Variants in SEMA3D observed in about 807,000 individuals in gnomAD.
SEMA3D encodes the protein semaphorin 3D, also known as semaphorin-3D.
Under a neutral mutation model 100.1 loss-of-function variants are expected in SEMA3D, and 84 were observed. That is an observed-to-expected ratio of 0.84 (90% CI 0.70 to 1.01). SEMA3D has a LOEUF of 1.01. Ranked by LOEUF, SEMA3D falls within the 50% of genes least tolerant of loss-of-function variation. The pLI is 0.00. For synonymous variants in SEMA3D, 312 were observed against 320.7 expected (o/e 0.97, Z 0.29); for missense variants, 875 against 934.1 (o/e 0.94, Z 0.82).
At chr7:85,088,611 G>A (rs1228375988) in intron 4 of SEMA3D, among the ~76,000 whole-genome samples, 2 of 152,172 alleles carry the variant, frequency 1.3e-5, no homozygotes, top group South Asian at 2.1e-4. Flanking sequence ...CCCAGGACAG[G>A]GAGGTGTTTT....
intron 3 of SEMA3D, among the ~76,000 whole-genome samples, chr7:85,110,911 C>G (rs983188154): frequency 6.6e-6 from 1 of 152,026 alleles, no homozygotes; most frequent in African/African-American, 2.4e-5. Context: ...TTGGCTGTCA[C>G]ACTCACATGC....
At chr7:85,212,343 C>G in the SEMA3D span, among the ~76,000 whole-genome samples, 1 of 152,160 alleles carries the variant, frequency 6.6e-6, no homozygotes, top group East Asian at 1.9e-4. Context: ...GATGCTTTCT[C>G]AAATGCGGAC....
chr7:85,005,775 A>C (rs1230751192), intron 18 of SEMA3D, among the ~76,000 whole-genome samples: 2 of 151,926 alleles, frequency 1.3e-5, no homozygotes, highest in Non-Finnish European at 2.9e-5. Context: ...TTGGCCACCC[A>C]CCCACCCAGC....
chr7:85,194,630 T>C, the SEMA3D span, among the ~76,000 whole-genome samples: 4 of 152,274 alleles, frequency 2.6e-5, no homozygotes, highest in East Asian at 7.7e-4. Flanking sequence ...AGCATTTAAA[T>C]TCAAAGAGGG....
chr7:85,208,034 A>G, the SEMA3D span, among the ~76,000 whole-genome samples: 1 of 152,042 alleles, frequency 6.6e-6, no homozygotes, highest in Non-Finnish European at 1.5e-5. Flanking sequence ...ATAATATGCT[A>G]AATCACTCCC....
intron 9 of SEMA3D, among the ~76,000 whole-genome samples, chr7:85,045,879 T>A (rs1286383742): frequency 6.6e-6 from 1 of 151,944 alleles, no homozygotes; most frequent in African/African-American, 2.4e-5. Context: ...TTTTATCAGC[T>A]TTCTAGTTGT....
chr7:85,117,490 A>G (rs1418562455), intron 3 of SEMA3D, among the ~76,000 whole-genome samples: 1 of 152,200 alleles, frequency 6.6e-6, no homozygotes, highest in East Asian at 1.9e-4. Flanking sequence ...TTTAAAGATT[A>G]TCTTTTGGCC....
chr7:85,122,329 C>T (rs1471140531), intron 2 of SEMA3D, among the ~76,000 whole-genome samples: 2 of 151,874 alleles, frequency 1.3e-5, no homozygotes, highest in African/African-American at 2.4e-5. Context: ...AAATAATTTT[C>T]CCATCGCTCT....
intron 6 of SEMA3D, among the ~76,000 whole-genome samples, chr7:85,071,307 TAAC>T (rs1381609644): frequency 2.4e-4 from 37 of 152,210 alleles, no homozygotes; most frequent in Non-Finnish European, 5.0e-4. Context: ...CTCAGAAATT[TAAC>T]TGTCAGGGTT....
In SEMA3D at chr7:84,999,162, A is replaced by G. The variant is rs1789580396; in HGVS notation, c.*278T>C. On this transcript the variant is annotated 3_prime_UTR_variant, in exon 19 of 19. Coordinates refer to ENST00000284136, the MANE Select transcript of SEMA3D (RefSeq NM_001384900.1). ...AGCTCAACTATTTACATGACAATAA[A>G]TTCCAAAACTCAAAACATAAAACAT... 2.3e-6 allele frequency: 1 copy of G among 428,298 alleles called. No individual in the cohort carries two copies. Among genetic ancestry groups the G allele is most frequent in the Admixed American group, 3.9e-5 (1 of 25,484 alleles). The allele number at this position is 428,298 out of a possible 1,614,324, so 26.5% of individuals were successfully genotyped here. A position where few individuals can be genotyped will look rare whatever the true frequency, so the allele number is the denominator to read the frequency against.
chr7:85,153,029 T>C (rs913660708), intron 2 of SEMA3D, among the ~76,000 whole-genome samples: 1 of 152,112 alleles, frequency 6.6e-6, no homozygotes, highest in Non-Finnish European at 1.5e-5. Flanking sequence ...ATAATGTATA[T>C]TCATCCCTTG....
intron 12 of SEMA3D, among the ~76,000 whole-genome samples, chr7:85,032,745 A>T (rs1246501393): frequency 2.0e-5 from 3 of 152,120 alleles, no homozygotes; most frequent in Non-Finnish European, 4.4e-5. Context: ...CCAAAAAGAA[A>T]ATCCTCCTTC....
chr7:85,137,220 T>G (rs1789892684), intron 2 of SEMA3D, among the ~76,000 whole-genome samples: 1 of 151,964 alleles, frequency 6.6e-6, no homozygotes. Flanking sequence ...AGAAGTAACA[T>G]GTATTACATA....
the SEMA3D span, among the ~76,000 whole-genome samples, chr7:85,227,668 AAT>A: frequency 6.6e-6 from 1 of 152,200 alleles, no homozygotes; most frequent in African/African-American, 2.4e-5. Context: ...AAATATATGT[AAT>A]ATATGTATGA....
At chr7:85,166,005 A>G (rs532044973) in intron 1 of SEMA3D, among the ~76,000 whole-genome samples, 1 of 152,206 alleles carries the variant, frequency 6.6e-6, no homozygotes, top group South Asian at 2.1e-4. Context: ...TGAGTATATA[A>G]TGCGCTTCAT....
At chr7:85,233,952 T>A in the SEMA3D span, among the ~76,000 whole-genome samples, 1 of 152,214 alleles carries the variant, frequency 6.6e-6, no homozygotes, top group African/African-American at 2.4e-5. Flanking sequence ...GTTATCAGGA[T>A]AACTGTCTAT....
At chr7:85,201,869 G>A in the SEMA3D span, among the ~76,000 whole-genome samples, 1 of 151,780 alleles carries the variant, frequency 6.6e-6, no homozygotes, top group Admixed American at 6.6e-5. Context: ...GGGACTACAG[G>A]TTTGTGCCAC....
At chr7:85,223,540 G>T in the SEMA3D span, among the ~76,000 whole-genome samples, 1 of 147,226 alleles carries the variant, frequency 6.8e-6, no homozygotes, top group Admixed American at 6.8e-5. Flanking sequence ...TCATATATTT[G>T]TGTGTGTGTG....
chr7:85,061,875 C>T (rs1488737554), intron 8 of SEMA3D, among the ~76,000 whole-genome samples: 1 of 152,158 alleles, frequency 6.6e-6, no homozygotes, highest in Non-Finnish European at 1.5e-5. Context: ...TCCCTGCTTT[C>T]CCTGGCTCCA....
Sources: allele counts gnomAD v4.1 joint callset (sites outside exome capture counted in the v4.1 genomes callset), GRCh38; gene constraint gnomAD v4.1.1; transcripts MANE v1.5; gene names NCBI Gene and HGNC (gene_info 2026-07-23, HGNC 2026-07-21).